The following RORA variants were observed in gnomAD, a reference collection of about 807,000 sequenced individuals.
RORA encodes the protein RAR related orphan receptor A.
Under a neutral mutation model 69.5 loss-of-function variants are expected in RORA, and 7 were observed. The ratio of observed to expected loss-of-function variants is 0.10; its 90% CI spans 0.06 to 0.19. The LOEUF (loss-of-function observed/expected upper bound fraction) is 0.19. RORA is among the 10% of genes least tolerant of loss of function. RORA has a pLI of 1.00. For missense variants in RORA, 457 were observed against 663.0 expected, an observed-to-expected ratio of 0.69 and a Z score of 3.41; for synonymous variants, 261 against 240.8, an observed-to-expected ratio of 1.08 and a Z score of -0.78.
intron 1 of RORA, among the ~76,000 whole-genome samples, chr15:60,792,344 G>A (rs1230217267): frequency 6.6e-6 from 1 of 152,150 alleles, no homozygotes; most frequent in African/African-American, 2.4e-5. Context: ...ATATGAAATA[G>A]CAAGTTCCAG....
At chr15:61,173,801 A>T (rs560864510) in intron 1 of RORA, among the ~76,000 whole-genome samples, 2 of 152,274 alleles carry the variant, frequency 1.3e-5, no homozygotes, top group African/African-American at 4.8e-5. Flanking sequence ...GACTATAGGC[A>T]TGTGGGGCCT....
At chr15:60,930,863 C>A (rs12594128) in intron 1 of RORA, among the ~76,000 whole-genome samples, 34,472 of 152,128 alleles carry the variant, frequency 0.23, 4,643 homozygotes, top group Non-Finnish European at 0.3. Context: ...CCTGGTGGGG[C>A]AAAACCAGTA....
At chr15:60,757,132 A>C (rs1308353911) in intron 1 of RORA, among the ~76,000 whole-genome samples, 2 of 152,222 alleles carry the variant, frequency 1.3e-5, no homozygotes, top group African/African-American at 2.4e-5. Context: ...AAATGAGTGC[A>C]TAAGTTTAGA....
At chr15:60,848,730 G>GGA (rs754503683) in intron 1 of RORA, 5 of 152,822 alleles carry the variant, frequency 3.3e-5, no homozygotes, top group South Asian at 4.0e-4. Context: ...TGGTGGAGCA[G>GGA]GAGAGAGAGA....
chr15:60,835,398 G>A (rs986349060), intron 1 of RORA, among the ~76,000 whole-genome samples: 3 of 152,136 alleles, frequency 2.0e-5, no homozygotes, highest in Admixed American at 6.5e-5. Flanking sequence ...TTACTAAAAC[G>A]AAGAGGGTAA....
At chr15:60,588,105 T>A (rs2068388326) in intron 2 of RORA, among the ~76,000 whole-genome samples, 1 of 152,194 alleles carries the variant, frequency 6.6e-6, no homozygotes, top group Non-Finnish European at 1.5e-5. Context: ...AGAGGGTCTG[T>A]ATGTGGTCTT....
intron 1 of RORA, among the ~76,000 whole-genome samples, 163 bp downstream of exon 1, chr15:61,228,890 G>C (rs1434071269): frequency 4.7e-5 from 7 of 150,148 alleles, no homozygotes; most frequent in Admixed American, 4.6e-4. Flanking sequence ...ACATTTCTGG[G>C]GGGCGGAGGG....
chr15:60,668,889 T>A (rs562923171), intron 2 of RORA, among the ~76,000 whole-genome samples: 8 of 152,354 alleles, frequency 5.3e-5, no homozygotes, highest in African/African-American at 1.9e-4. Context: ...GGATGCTTAG[T>A]TGTCCTCTTA....
At chr15:60,861,389 G>T (rs2073434461) in intron 1 of RORA, among the ~76,000 whole-genome samples, 1 of 152,156 alleles carries the variant, frequency 6.6e-6, no homozygotes, top group Non-Finnish European at 1.5e-5. Context: ...ATAAGTATTT[G>T]CTCATTGGGT....
chr15:60,923,031 G>A (rs576530981), intron 1 of RORA, among the ~76,000 whole-genome samples: 46 of 152,268 alleles, frequency 3.0e-4, no homozygotes, highest in Non-Finnish European at 5.4e-4. Flanking sequence ...TAAACATACC[G>A]CCCAAATTAA....
At chr15:60,823,123 TC>T (rs58144540) in intron 1 of RORA, among the ~76,000 whole-genome samples, 97,633 of 131,624 alleles carry the variant, frequency 0.74, 32,987 homozygotes, top group South Asian at 0.84. Context: ...TCTCTCTCTC[TC>T]TCTCTCTTTC....
chr15:60,979,588 C>G (rs1253023737), intron 1 of RORA, among the ~76,000 whole-genome samples: 1 of 152,032 alleles, frequency 6.6e-6, no homozygotes, highest in Non-Finnish European at 1.5e-5. Context: ...ATTTTTGATG[C>G]CATTTCAAGT....
intron 2 of RORA, among the ~76,000 whole-genome samples, chr15:60,676,472 A>G (rs892632687): frequency 9.8e-5 from 15 of 152,326 alleles, no homozygotes; most frequent in East Asian, 7.7e-4. Flanking sequence ...CTCTCCCCCA[A>G]TCATGAAAGT....
intron 1 of RORA, among the ~76,000 whole-genome samples, chr15:60,778,892 G>A (rs944642610): frequency 1.2e-4 from 19 of 152,024 alleles, no homozygotes; most frequent in Non-Finnish European, 7.4e-5. Context: ...GGAGTGGGAC[G>A]GACTGTGAGG....
chr15:60,636,689 G>A (rs1466230408), intron 2 of RORA, among the ~76,000 whole-genome samples: 1 of 152,046 alleles, frequency 6.6e-6, no homozygotes, highest in African/African-American at 2.4e-5. Context: ...TTGAAACTTA[G>A]AAAGAAGTTA....
chr15:60,745,188 A>G (rs2071630057), intron 1 of RORA, among the ~76,000 whole-genome samples: 1 of 152,072 alleles, frequency 6.6e-6, no homozygotes, highest in African/African-American at 2.4e-5. Flanking sequence ...GGGAGTGAAG[A>G]CCTCGCACAC....
intron 1 of RORA, among the ~76,000 whole-genome samples, chr15:60,792,303 T>TATAACAGAGCCTCA (rs1360382173): frequency 6.6e-6 from 1 of 152,142 alleles, no homozygotes; most frequent in Non-Finnish European, 1.5e-5. Flanking sequence ...CTCAGTGACT[T>TATAACAGAGCCTCA]GAGCATTATA....
chr15:60,686,189 T>C (rs2070745265), intron 1 of RORA, among the ~76,000 whole-genome samples: 1 of 152,166 alleles, frequency 6.6e-6, no homozygotes, highest in Non-Finnish European at 1.5e-5. Flanking sequence ...GCCTTTATCT[T>C]TAACAAAACA....
intron 1 of RORA, among the ~76,000 whole-genome samples, chr15:60,811,933 T>C (rs1473626769): frequency 2.0e-5 from 3 of 152,226 alleles, no homozygotes; most frequent in Non-Finnish European, 4.4e-5. Context: ...ATCATTTTCA[T>C]ATTCATTATT....
Sources: allele counts gnomAD v4.1 joint callset (sites outside exome capture counted in the v4.1 genomes callset), GRCh38; gene constraint gnomAD v4.1.1; transcripts MANE v1.5; gene names NCBI Gene and HGNC (gene_info 2026-07-23, HGNC 2026-07-21).